DPP6: variants seen among roughly 807,000 people sequenced by gnomAD.
The protein encoded by DPP6 is A-type potassium channel modulatory protein DPP6.
Under a neutral mutation model 122.6 loss-of-function variants are expected in DPP6, and 69 were observed. That is an observed-to-expected ratio of 0.56 (90% confidence interval 0.46 to 0.69). The LOEUF is 0.69. Ranked by LOEUF, DPP6 falls within the 30% of genes least tolerant of loss-of-function variation. DPP6 has a pLI of 0.00. For synonymous variants in DPP6, 418 were observed against 433.1 expected (o/e 0.97, Z 0.43); for missense variants, 928 against 1,116.9 (o/e 0.83, Z 2.41).
chr7:153,760,220 G>A, the DPP6 span, among the ~76,000 whole-genome samples: 1 of 151,884 alleles, frequency 6.6e-6, no homozygotes, highest in African/African-American at 2.4e-5. Context: ...ATTTTTTGTT[G>A]TGCGCAGTAT....
intron 1 of DPP6, among the ~76,000 whole-genome samples, chr7:154,377,234 C>T (rs1010564417): frequency 7.2e-5 from 11 of 152,056 alleles, no homozygotes; most frequent in South Asian, 2.1e-4. Flanking sequence ...TGAACAGTGC[C>T]GGAGGAAATG....
intron 8 of DPP6, among the ~76,000 whole-genome samples, chr7:154,730,648 A>C (rs553741981): frequency 6.6e-6 from 1 of 152,374 alleles, no homozygotes; most frequent in Admixed American, 6.5e-5. Context: ...CCAGGTGGTC[A>C]TTCTGCCACA....
intron 1 of DPP6, among the ~76,000 whole-genome samples, chr7:154,232,119 A>C (rs78538770): frequency 0.016 from 2,381 of 152,286 alleles, 82 homozygotes; most frequent in African/African-American, 0.055. Flanking sequence ...CTAAGAGGAT[A>C]GGACAAGCTG....
chr7:154,627,704 A>G (rs1835173877), intron 5 of DPP6, among the ~76,000 whole-genome samples: 1 of 152,198 alleles, frequency 6.6e-6, no homozygotes, highest in African/African-American at 2.4e-5. Flanking sequence ...CTTCCGCATC[A>G]GGACTTACAG....
chr7:154,176,155 T>G (rs940577494), intron 1 of DPP6, among the ~76,000 whole-genome samples: 3 of 152,178 alleles, frequency 2.0e-5, no homozygotes, highest in Admixed American at 2.0e-4. Flanking sequence ...CCTAAGCAAG[T>G]GAATTGAGTA....
At position 154,062,005 on chromosome 7, in the gene DPP6, C is replaced by T. The variant is rs866303956; in HGVS notation, c.243+8942C>T. ...CTCTTCCGCCCCTGGCTGTTGGTAC[C>T]CCCATCGCAGGGGGGGGGAGGCACC... On this transcript the variant is annotated intron_variant, in intron 1 of 25. Transcript: ENST00000377770. Among the ~76,000 whole-genome samples the T allele has an allele frequency of 2.0e-4, 24 of 117,978 alleles. 1 individual carries two copies. Among genetic ancestry groups the T allele is most frequent in the African/African-American group, 3.8e-4 (12 of 31,878 alleles). 77.4% of individuals were successfully genotyped at this position (117,978 alleles called of 152,430 possible). A position where few individuals can be genotyped will look rare whatever the true frequency, so the allele number is the denominator to read the frequency against.
chr7:154,347,225 C>T (rs919727968), intron 1 of DPP6, among the ~76,000 whole-genome samples: 2 of 152,178 alleles, frequency 1.3e-5, no homozygotes, highest in African/African-American at 4.8e-5. Flanking sequence ...GGTGCACATT[C>T]ACAGAGACTA....
chr7:153,775,652 C>T, the DPP6 span, among the ~76,000 whole-genome samples: 39 of 152,148 alleles, frequency 2.6e-4, no homozygotes, highest in African/African-American at 9.4e-4. Context: ...CCTCTATCTG[C>T]AGACAAAATG....
chr7:154,306,915 C>A (rs1806398054), intron 1 of DPP6, among the ~76,000 whole-genome samples: 1 of 152,084 alleles, frequency 6.6e-6, no homozygotes, highest in Admixed American at 6.5e-5. Flanking sequence ...GAAATATTTC[C>A]ACACTAAATT....
intron 1 of DPP6, among the ~76,000 whole-genome samples, chr7:154,106,117 A>T (rs1433289930): frequency 1.3e-5 from 2 of 151,950 alleles, no homozygotes; most frequent in East Asian, 3.9e-4. Context: ...GACTCTGCCT[A>T]TGCGCCCTTG....
intron 1 of DPP6, among the ~76,000 whole-genome samples, chr7:153,958,358 C>A (rs1195518225): frequency 6.6e-6 from 1 of 152,092 alleles, no homozygotes; most frequent in African/African-American, 2.4e-5. Flanking sequence ...TCCCTCCACC[C>A]GAGCAGGTAG....
the DPP6 span, among the ~76,000 whole-genome samples, chr7:153,857,535 A>G: frequency 2.0e-5 from 3 of 152,204 alleles, no homozygotes; most frequent in Non-Finnish European, 2.9e-5. Flanking sequence ...GAACAAAGCC[A>G]TGATTCTTTT....
intron 1 of DPP6, among the ~76,000 whole-genome samples, chr7:154,215,430 T>C (rs979815695): frequency 6.6e-5 from 10 of 152,192 alleles, no homozygotes; most frequent in African/African-American, 2.4e-4. Context: ...AGTGGATTTA[T>C]AGAACTGAGA....
intron 1 of DPP6, among the ~76,000 whole-genome samples, chr7:154,323,787 G>A (rs960832358): frequency 6.6e-6 from 1 of 152,200 alleles, no homozygotes; most frequent in Admixed American, 6.5e-5. Flanking sequence ...TAGAGGTTCT[G>A]AGTCTCCTTT....
At chr7:154,767,639 G>A (rs150292216) in intron 8 of DPP6, among the ~76,000 whole-genome samples, 493 of 152,328 alleles carry the variant, frequency 3.2e-3, no homozygotes, top group African/African-American at 0.01. Flanking sequence ...AGACGCAGAG[G>A]GGAAGGGGAT....
At chr7:153,911,115 A>G (rs1327406455) in intron 1 of DPP6, among the ~76,000 whole-genome samples, 1 of 152,240 alleles carries the variant, frequency 6.6e-6, no homozygotes, top group Non-Finnish European at 1.5e-5. Context: ...GCTGATGTAG[A>G]GGCCTCCAGC....
intron 16 of DPP6, among the ~76,000 whole-genome samples, chr7:154,820,878 C>T (rs1280132094): frequency 6.6e-6 from 1 of 152,132 alleles, no homozygotes; most frequent in Non-Finnish European, 1.5e-5. Context: ...ACGATACATA[C>T]CTCCTAATAA....
chr7:154,273,075 G>A (rs12703335), intron 1 of DPP6, among the ~76,000 whole-genome samples: 37,155 of 152,114 alleles, frequency 0.24, 5,217 homozygotes, highest in Non-Finnish European at 0.32. Flanking sequence ...TAATTTTCTA[G>A]TGTAGAAGAA....
intron 1 of DPP6, among the ~76,000 whole-genome samples, chr7:154,166,259 G>T (rs1392772129): frequency 6.6e-6 from 1 of 152,206 alleles, no homozygotes; most frequent in Non-Finnish European, 1.5e-5. Context: ...GCGTGTCACT[G>T]TGGGTGCAAA....
Sources: allele counts gnomAD v4.1 joint callset (sites outside exome capture counted in the v4.1 genomes callset), GRCh38; gene constraint gnomAD v4.1.1; transcripts MANE v1.5; gene names NCBI Gene and HGNC (gene_info 2026-07-23, HGNC 2026-07-21).